Variants in ROR2 observed in about 807,000 individuals in gnomAD.
The protein encoded by ROR2 is tyrosine-protein kinase transmembrane receptor ROR2.
Under a neutral mutation model 74.9 loss-of-function variants are expected in ROR2, and 33 were observed. The observed-to-expected ratio is 0.44, with a 90% CI of 0.33 to 0.59. The LOEUF (loss-of-function observed/expected upper bound fraction) is 0.59, where lower values mean the gene tolerates loss of function less well. Among genes scored for constraint, ROR2 ranks in the 20% least tolerant of loss-of-function variants. ROR2 has a pLI of 0.02. For synonymous variants in ROR2, 586 were observed against 558.7 expected (o/e 1.05, Z -0.69); for missense variants, 1,216 against 1,313.8 (o/e 0.93, Z 1.15).
chr9:91,730,115 G>T (rs1387270577), intron 7 of ROR2, among the ~76,000 whole-genome samples: 1 of 152,084 alleles, frequency 6.6e-6, no homozygotes. Flanking sequence ...GACAATTTTT[G>T]TATTTTTTGT....
intron 1 of ROR2, among the ~76,000 whole-genome samples, chr9:91,877,495 G>C (rs939064374): frequency 1.3e-5 from 2 of 152,180 alleles, no homozygotes; most frequent in African/African-American, 4.8e-5. Flanking sequence ...AACTACTATG[G>C]TGTTCAGGAA....
intron 1 of ROR2, among the ~76,000 whole-genome samples, chr9:91,870,109 A>T (rs1397739543): frequency 6.7e-6 from 1 of 150,362 alleles, no homozygotes; most frequent in African/African-American, 2.4e-5. Context: ...CATATTGTTT[A>T]CATATGATCT....
At position 91,949,882 on chromosome 9, in the gene ROR2, C is replaced by T. The variant is rs1191657210; in HGVS notation, c.82G>A (p.Val28Met). 1 of 1,541,610 alleles carries T rather than the reference C, an allele frequency of 6.5e-7. No homozygotes were observed. The highest frequency in any genetic ancestry group is 2.0e-5 in the Admixed American group (1 of 50,838). Residue 28 changes from valine (V) to methionine (M), a missense_variant, in exon 1 of 9, where the codon GTG becomes ATG. Transcript: ENST00000375708. ...CAGATCCTACCTGAAGTCCGGGACA[C>T]TGAGAGCAGAAGCGCGGCGGCCGCC... ...VWAAAALLLSVSRTSGEVEVL... is the reference protein window; with the variant it reads ...VWAAAALLLSMSRTSGEVEVL...
At chr9:91,948,884 CGCGCGGGCGGGAGGT>C (rs1316528717) in intron 1 of ROR2, 1 of 985,338 alleles carries the variant, frequency 1.0e-6, no homozygotes, top group African/African-American at 1.7e-5. Flanking sequence ...CGGCCCGAGG[CGCGCGGGCGGGAGGT>C]GCTCCCGGAG....
chr9:91,771,708 CT>C (rs1826232150), intron 2 of ROR2, among the ~76,000 whole-genome samples: 1 of 147,878 alleles, frequency 6.8e-6, no homozygotes, highest in Admixed American at 6.9e-5. Flanking sequence ...CTCTCTCTCT[CT>C]CTCCTCTCTC....
At chr9:91,837,183 T>G (rs1828634736) in intron 1 of ROR2, among the ~76,000 whole-genome samples, 1 of 152,184 alleles carries the variant, frequency 6.6e-6, no homozygotes, top group African/African-American at 2.4e-5. Context: ...AGATGGAGTC[T>G]CACTCTGTCG....
At chr9:91,935,946 G>A (rs1349064322) in intron 1 of ROR2, among the ~76,000 whole-genome samples, 10 of 152,188 alleles carry the variant, frequency 6.6e-5, no homozygotes, top group African/African-American at 1.2e-4. Context: ...GATGACAAGC[G>A]GTGAACACAC....
At chr9:91,766,161 CAT>C (rs1284615602) in intron 2 of ROR2, among the ~76,000 whole-genome samples, 14 of 152,342 alleles carry the variant, frequency 9.2e-5, no homozygotes, top group African/African-American at 3.4e-4. Flanking sequence ...GACACGTCCA[CAT>C]GTGTGCCACG....
intron 1 of ROR2, among the ~76,000 whole-genome samples, chr9:91,930,506 C>T (rs959205864): frequency 1.3e-5 from 2 of 152,226 alleles, no homozygotes; most frequent in African/African-American, 2.4e-5. Context: ...CTCTTGCAAG[C>T]GTGACAAACA....
chr9:91,726,679 C>T lies in ROR2; in HGVS notation c.1248G>A (p.Leu416=), dbSNP rs1837050668. The T allele has an allele frequency of 9.9e-6, 16 of 1,613,952 alleles. No individual in the cohort carries two copies. The highest frequency in any genetic ancestry group is 1.0e-5 in the Non-Finnish European group (12 of 1,180,002). ...YILVPSIAIP[L]VIACLFFLVC... is the part of the protein sequence containing the mutation. ...CCAAGAAGAAAAGGCAAGCGATGACCAGTGGAATTGCGATGCTGGGGACCA... is the reference window on the plus strand; with the variant it reads ...CCAAGAAGAAAAGGCAAGCGATGACTAGTGGAATTGCGATGCTGGGGACCA... Residue 416 remains leucine, a synonymous_variant, in exon 8 of 9, where the codon CTG becomes CTA. Transcript: ENST00000375708.
intron 1 of ROR2, among the ~76,000 whole-genome samples, chr9:91,867,362 C>T (rs184989579): frequency 3.9e-5 from 6 of 152,312 alleles, no homozygotes; most frequent in Admixed American, 3.9e-4. Context: ...ACTGCAGTAG[C>T]TTAAAACCCT....
chr9:91,882,580 C>T (rs1051429979), intron 1 of ROR2, among the ~76,000 whole-genome samples: 1 of 152,098 alleles, frequency 6.6e-6, no homozygotes, highest in Non-Finnish European at 1.5e-5. Flanking sequence ...AAGCAATCTG[C>T]TGTTTATGGA....
intron 8 of ROR2, 22 bp from the exon 9 acceptor site, chr9:91,725,129 C>A (rs191048592): frequency 6.8e-6 from 11 of 1,612,386 alleles, no homozygotes; most frequent in Non-Finnish European, 9.3e-6. Context: ...AAAAGCCCCA[C>A]GTGAAACATC....
intron 1 of ROR2, among the ~76,000 whole-genome samples, chr9:91,841,684 C>T (rs1385837423): frequency 6.6e-6 from 1 of 152,176 alleles, no homozygotes; most frequent in Non-Finnish European, 1.5e-5. Context: ...CTCTGCCCTC[C>T]ACACGTCTGC....
chr9:91,949,917 G>A lies in ROR2; in HGVS notation c.47C>T (p.Pro16Leu). ...AAGCGCGGCGGCCGCCCAGACGGCCGGGATGCACAGCAGCGGCCGCCGCGG... is the reference window on the plus strand; with the variant it reads ...AAGCGCGGCGGCCGCCCAGACGGCCAGGATGCACAGCAGCGGCCGCCGCGG... Reference protein sequence around the residue: ...ALPRRPLLCIPAVWAAAALLL... With the variant: ...ALPRRPLLCILAVWAAAALLL... Residue 16 changes from proline (P) to leucine (L), a missense_variant, in exon 1 of 9, where the codon CCG (proline) becomes CTG (leucine). Pro to Leu is a moderately conservative substitution (Grantham distance 98, BLOSUM62 -3). Coordinates refer to ENST00000375708, the MANE Select transcript of ROR2 (RefSeq NM_004560.4). 6.5e-7 allele frequency: 1 copy of A among 1,538,190 alleles called. No individual in the cohort carries two copies. The highest frequency in any genetic ancestry group is 1.4e-5 in the African/African-American group (1 of 71,750).
chr9:91,880,071 G>A (rs985830729), intron 1 of ROR2, among the ~76,000 whole-genome samples: 1 of 152,108 alleles, frequency 6.6e-6, no homozygotes, highest in African/African-American at 2.4e-5. Flanking sequence ...CTCAGAATGT[G>A]ACTGCATTTG....
At chr9:91,756,436 G>A (rs899527823) in intron 3 of ROR2, among the ~76,000 whole-genome samples, 1 of 152,148 alleles carries the variant, frequency 6.6e-6, no homozygotes, top group Non-Finnish European at 1.5e-5. Flanking sequence ...TTTGCTGCCT[G>A]GGAGTTTTTC....
chr9:91,942,311 C>T (rs1460218581), intron 1 of ROR2, among the ~76,000 whole-genome samples: 1 of 152,162 alleles, frequency 6.6e-6, no homozygotes, highest in East Asian at 1.9e-4. Context: ...TAACCTGGAC[C>T]ACCCAGGTAT....
chr9:91,747,067 T>C (rs1345444093), intron 4 of ROR2, among the ~76,000 whole-genome samples: 1 of 152,142 alleles, frequency 6.6e-6, no homozygotes, highest in East Asian at 1.9e-4. Context: ...TGTGCCACGT[T>C]TCAGCAGAGC....
Sources: allele counts gnomAD v4.1 joint callset (sites outside exome capture counted in the v4.1 genomes callset), GRCh38; gene constraint gnomAD v4.1.1; transcripts MANE v1.5; gene names NCBI Gene and HGNC (gene_info 2026-07-23, HGNC 2026-07-21).